Variants in TESK2 observed in about 807,000 individuals in gnomAD.
TESK2 encodes the protein testis associated actin remodelling kinase 2.
A neutral mutation model predicts 57.1 loss-of-function variants in TESK2; 39 were observed. That is an observed-to-expected ratio of 0.68 (90% CI 0.53 to 0.89). The LOEUF is 0.89. Among genes scored for constraint, TESK2 ranks in the 40% least tolerant of loss-of-function variants. TESK2 has a pLI of 0.00. For synonymous variants in TESK2, 249 were observed against 267.9 expected, an observed-to-expected ratio of 0.93 and a Z score of 0.69; for missense variants, 646 against 732.1, an observed-to-expected ratio of 0.88 and a Z score of 1.36.
intron 1 of TESK2, among the ~76,000 whole-genome samples, chr1:45,464,589 TTTTTGTATACTGA>T (rs1191247770): frequency 6.6e-6 from 1 of 152,210 alleles, no homozygotes; most frequent in African/African-American, 2.4e-5. Flanking sequence ...ATGCTACTGA[TTTTTGTATACTGA>T]TTTTGTATCC....
chr1:45,424,507 T>C (rs753261763), intron 2 of TESK2, among the ~76,000 whole-genome samples: 3 of 152,228 alleles, frequency 2.0e-5, no homozygotes, highest in Admixed American at 6.5e-5. Context: ...GAAGTAGCTT[T>C]CCATTTCAGA....
At chr1:45,390,375 G>T (rs1236705367) in intron 3 of TESK2, among the ~76,000 whole-genome samples, 1 of 152,056 alleles carries the variant, frequency 6.6e-6, no homozygotes, top group Non-Finnish European at 1.5e-5. Context: ...GAGGCAGGAG[G>T]ATCACTTTAG....
At position 45,345,850 on chromosome 1, in the gene TESK2, G is replaced by A. The variant is rs1052080683; in HGVS notation, c.997+27C>T. Reference sequence around the variant, plus strand: ...TCCGAATTTCCTCCCTTAGGGTTAGGTTGGGCTCCCTGGTCTAATCTCTTA... The same window carrying A: ...TCCGAATTTCCTCCCTTAGGGTTAGATTGGGCTCCCTGGTCTAATCTCTTA... On this transcript the variant is annotated intron_variant, in intron 10 of 10. Coordinates refer to ENST00000372086, the MANE Select transcript of TESK2 (RefSeq NM_007170.3). 6 of 1,586,084 alleles carry A rather than the reference G, an allele frequency of 3.8e-6. No individual in the cohort carries two copies. In the African/African-American group the frequency reaches 5.4e-5, roughly 14 times the overall value.
At chr1:45,433,730 G>A (rs1310377494) in intron 2 of TESK2, among the ~76,000 whole-genome samples, 2 of 152,126 alleles carry the variant, frequency 1.3e-5, no homozygotes, top group Non-Finnish European at 2.9e-5. Context: ...ACTGTGAATA[G>A]TGCTGCAATA....
intron 2 of TESK2, among the ~76,000 whole-genome samples, chr1:45,433,569 CATA>C (rs1651070124): frequency 6.6e-6 from 1 of 152,202 alleles, no homozygotes; most frequent in South Asian, 2.1e-4. Flanking sequence ...TTTCACTTAA[CATA>C]ATGACTTCCA....
At chr1:45,347,159 C>T (rs1647155510) in intron 7 of TESK2, 97 bp from the exon 8 acceptor site, 4 of 1,063,636 alleles carry the variant, frequency 3.8e-6, no homozygotes, top group African/African-American at 1.6e-5. Flanking sequence ...CATCTAACAG[C>T]CCAGGCCTGG....
chr1:45,480,751 G>T (rs1653183591), intron 1 of TESK2, among the ~76,000 whole-genome samples: 1 of 151,594 alleles, frequency 6.6e-6, no homozygotes, highest in African/African-American at 2.4e-5. Flanking sequence ...ACTTTGGGAG[G>T]CCAAGGTGGG....
chr1:45,386,508 T>G (rs1185815021), intron 3 of TESK2, among the ~76,000 whole-genome samples: 1 of 151,982 alleles, frequency 6.6e-6, no homozygotes, highest in East Asian at 1.9e-4. Flanking sequence ...CCCTGTAGAC[T>G]CTTAATCTTT....
chr1:45,486,636 C>CTGCA (rs1013314329), intron 1 of TESK2, among the ~76,000 whole-genome samples: 7 of 150,510 alleles, frequency 4.7e-5, no homozygotes, highest in African/African-American at 1.7e-4. Context: ...GATCTTGCCA[C>CTGCA]TGCACTCCAG....
At chr1:45,416,224 A>G (rs1650236505) in intron 3 of TESK2, among the ~76,000 whole-genome samples, 1 of 151,450 alleles carries the variant, frequency 6.6e-6, no homozygotes, top group Non-Finnish European at 1.5e-5. Flanking sequence ...CTAGGGCTAC[A>G]GGCGCACACC....
At chr1:45,421,193 C>G (rs1650461772) in intron 3 of TESK2, among the ~76,000 whole-genome samples, 1 of 152,002 alleles carries the variant, frequency 6.6e-6, no homozygotes, top group Non-Finnish European at 1.5e-5. Flanking sequence ...GAGGTCAAGG[C>G]TGCAGTGAAC....
intron 3 of TESK2, chr1:45,398,799 A>G (rs1649464344): frequency 2.9e-6 from 1 of 348,504 alleles, no homozygotes; most frequent in Admixed American, 3.9e-5. Context: ...GGCCAGTGGT[A>G]TATGGGCAGA....
intron 3 of TESK2, among the ~76,000 whole-genome samples, chr1:45,398,001 G>A (rs541691361): frequency 2.6e-5 from 4 of 152,194 alleles, no homozygotes; most frequent in African/African-American, 7.2e-5. Context: ...TTGAACTCAT[G>A]GGCTCACACG....
chr1:45,386,002 C>G, intron 3 of TESK2, 42 bp from the exon 4 acceptor site: 1 of 1,482,860 alleles, frequency 6.7e-7, no homozygotes, highest in East Asian at 2.3e-5. Context: ...GAAAAGGACA[C>G]AAATATAAAT....
At position 45,420,199 on chromosome 1, in the gene TESK2, AC is replaced by A. The variant is rs538870238; in HGVS notation, c.344+1525del. 3.7e-3 allele frequency among the ~76,000 whole-genome samples: 565 copies of A among 152,310 alleles called. 11 individuals carry two copies. Among genetic ancestry groups the A allele is most frequent in the African/African-American group, 0.013 (537 of 41,556 alleles). On this transcript the variant is annotated intron_variant, in intron 3 of 10. Transcript: ENST00000372086. ...CACCTGTAATCCCAGCCTGAACAAC[AC>A]AGTGAGACCTTATCTCATTTAAGAA...
At chr1:45,380,789 G>T (rs938080261) in intron 4 of TESK2, among the ~76,000 whole-genome samples, 2 of 152,144 alleles carry the variant, frequency 1.3e-5, no homozygotes, top group African/African-American at 4.8e-5. Context: ...TCTGTTACTT[G>T]CTCCCAAACA....
chr1:45,429,785 C>T (rs541670701), intron 2 of TESK2, among the ~76,000 whole-genome samples: 30 of 152,258 alleles, frequency 2.0e-4, no homozygotes, highest in African/African-American at 6.5e-4. Context: ...AACTAAAGTC[C>T]CTCCGCTTTA....
intron 1 of TESK2, among the ~76,000 whole-genome samples, chr1:45,486,782 TACACACACACACACAC>T (rs71052887): frequency 2.1e-4 from 24 of 115,890 alleles, no homozygotes; most frequent in Non-Finnish European, 3.6e-4. Flanking sequence ...CCTCCCAGCA[TACACACACACACACAC>T]ACACACACAC....
At chr1:45,404,774 C>T (rs1317145034) in intron 3 of TESK2, among the ~76,000 whole-genome samples, 3 of 151,996 alleles carry the variant, frequency 2.0e-5, no homozygotes, top group East Asian at 1.9e-4. Flanking sequence ...AATACCTGAA[C>T]TTAGGTGATC....
Sources: gnomAD v4.1 joint callset for allele counts (sites outside exome capture counted in the v4.1 genomes callset) on GRCh38, gnomAD v4.1.1 for gene constraint, MANE v1.5 for transcripts, NCBI Gene and HGNC (gene_info 2026-07-23, HGNC 2026-07-21) for gene names.